WSB2: variants seen among roughly 807,000 people sequenced by gnomAD.
WSB2 encodes WD repeat and SOCS box-containing protein 2.
In WSB2, 12 loss-of-function variants were observed where a neutral mutation model predicts 48.8. The observed-to-expected ratio is 0.25, with a 90% CI of 0.16 to 0.40. The LOEUF (loss-of-function observed/expected upper bound fraction) is 0.40. Among genes scored for constraint, WSB2 ranks in the 10% least tolerant of loss-of-function variants. The pLI is 1.00. For missense variants in WSB2, 317 were observed against 506.2 expected, an observed-to-expected ratio of 0.63 and a Z score of 3.59; for synonymous variants, 191 against 203.1, an observed-to-expected ratio of 0.94 and a Z score of 0.51.
At chr12:118,048,651 A>G (rs2031790828) in intron 2 of WSB2, among the ~76,000 whole-genome samples, 1 of 152,060 alleles carries the variant, frequency 6.6e-6, no homozygotes, top group Non-Finnish European at 1.5e-5. Flanking sequence ...AAACAATAAC[A>G]CTTTGCTCAT....
rs1047178792 is a variant in WSB2, at chr12:118,038,161, A to G, written c.660+127T>C. 6.3e-6 allele frequency: 5 copies of G among 797,944 alleles called. No individual in the cohort carries two copies. The African/African-American group carries it at 7.1e-5, about 11-fold the overall frequency. The allele number at this position is 797,944 out of a possible 1,614,324, so 49.4% of individuals were successfully genotyped here. On this transcript the variant is annotated intron_variant, in intron 5 of 8. Transcript: ENST00000315436. ...CAAGGGACTTTTGCAGGTGGTGGCCATGGCCCACCAGCATGCCTTCTATTG... is the reference window on the plus strand; with the variant it reads ...CAAGGGACTTTTGCAGGTGGTGGCCGTGGCCCACCAGCATGCCTTCTATTG...
intron 1 of WSB2, among the ~76,000 whole-genome samples, chr12:118,056,500 A>T (rs1330103312): frequency 1.3e-5 from 2 of 152,220 alleles, no homozygotes; most frequent in Non-Finnish European, 2.9e-5. Flanking sequence ...GGGAGCAAGA[A>T]CTTTGTATAT....
At chr12:118,040,241 T>TCC (rs2031600829) in intron 4 of WSB2, among the ~76,000 whole-genome samples, 2 of 152,056 alleles carry the variant, frequency 1.3e-5, no homozygotes, top group Admixed American at 6.6e-5. Flanking sequence ...CTGAATAAAT[T>TCC]AAGGCATGTT....
At chr12:118,056,036 C>A (rs930697793) in intron 1 of WSB2, among the ~76,000 whole-genome samples, 6 of 152,066 alleles carry the variant, frequency 3.9e-5, no homozygotes, top group Non-Finnish European at 5.9e-5. Flanking sequence ...TCATCTCCCG[C>A]CTGGCCCAGT....
At position 118,034,133 on chromosome 12, in the gene WSB2, C is replaced by G; in HGVS notation, c.*63G>C. On this transcript the variant is annotated 3_prime_UTR_variant, in exon 9 of 9. Transcript: ENST00000315436. Reference sequence around the variant, plus strand: ...AAGACCAGATGTTTGGCCCATTATTCCAGCAACTCCCTTTGACAGGACGAT... The same window carrying G: ...AAGACCAGATGTTTGGCCCATTATTGCAGCAACTCCCTTTGACAGGACGAT... The G allele has an allele frequency of 6.3e-7, 1 of 1,597,656 alleles. No homozygotes were observed. The highest frequency in any genetic ancestry group is 1.1e-5 in the South Asian group (1 of 90,064).
chr12:118,055,999 T>TC (rs1445202149), intron 1 of WSB2, among the ~76,000 whole-genome samples: 2 of 151,586 alleles, frequency 1.3e-5, no homozygotes, highest in South Asian at 2.1e-4. Flanking sequence ...CTAACCCCTC[T>TC]CCATCTCTAC....
rs111998638 is a variant in WSB2 at position 118,048,582 on chromosome 12, C to CAAA, written c.182+3725_182+3727dup. Among the ~76,000 whole-genome samples the CAAA allele has an allele frequency of 2.3e-3, 304 of 130,506 alleles. 1 individual carries two copies. The highest frequency in any genetic ancestry group is 0.013 in the Middle Eastern group (3 of 226). The allele number at this position is 130,506 out of a possible 152,430, so 85.6% of individuals were successfully genotyped here. A position where few individuals can be genotyped will look rare whatever the true frequency, so the allele number is the denominator to read the frequency against. On this transcript the variant is annotated intron_variant, in intron 2 of 8. Coordinates refer to ENST00000315436, the MANE Select transcript of WSB2 (RefSeq NM_018639.5). ...CCTGGATGACAGAGCAAGACTCTCT[C>CAAA]AAAAAAAAAAAAAAATGTGATTTTT... is the stretch of plus-strand genomic sequence containing the variant.
Position 118,061,093 on chromosome 12 carries a change from C to T in WSB2, c.-45G>A, listed in dbSNP as rs1452426098. 3 of 980,878 alleles carry T rather than the reference C, an allele frequency of 3.1e-6. No individual in the cohort carries two copies. Among genetic ancestry groups the T allele is most frequent in the Non-Finnish European group, 3.6e-6 (3 of 828,350 alleles). 60.8% of individuals were successfully genotyped at this position (980,878 alleles called of 1,614,324 possible). A position where few individuals can be genotyped will look rare whatever the true frequency, so the allele number is the denominator to read the frequency against. On this transcript the variant is annotated 5_prime_UTR_variant, in exon 1 of 9. Transcript: ENST00000315436. ...CGCGGCAGGCGGCGGGCGCCTCAGC[C>T]CCCCGGGCCGCGGGCCCTCATGCCG... is the stretch of plus-strand genomic sequence containing the variant.
At position 118,036,174 on chromosome 12, in the gene WSB2, C is replaced by T. The variant is rs1214298604; in HGVS notation, c.833+164G>A. 40 of 844,954 alleles carry T rather than the reference C, an allele frequency of 4.7e-5. No homozygotes were observed. The East Asian group carries it at 1.1e-3, about 23-fold the overall frequency. The allele number at this position is 844,954 out of a possible 1,614,324, so 52.3% of individuals were successfully genotyped here. Reference sequence around the variant, plus strand: ...CCAAGATTGCGCCACTGCACTCCAGCCTGGGTGACAGAGCGAGACTCCGTC... The same window carrying T: ...CCAAGATTGCGCCACTGCACTCCAGTCTGGGTGACAGAGCGAGACTCCGTC... On this transcript the variant is annotated intron_variant, in intron 6 of 8. Transcript: ENST00000315436.
At position 118,043,438 on chromosome 12, in the gene WSB2, T is replaced by A. The variant is rs546838090; in HGVS notation, c.183-61A>T. 18 of 1,508,884 alleles carry A rather than the reference T, an allele frequency of 1.2e-5. No homozygotes were observed. In the South Asian group the frequency reaches 2.0e-4, roughly 17 times the overall value. 93.5% of individuals were successfully genotyped at this position (1,508,884 alleles called of 1,614,324 possible). A position where few individuals can be genotyped will look rare whatever the true frequency, so the allele number is the denominator to read the frequency against. ...TTGTTACCAGTCTATCAACTTTTCA[T>A]CCTGGGACACGTAAGACTTTTGGGG... On this transcript the variant is annotated intron_variant, in intron 2 of 8. Coordinates refer to ENST00000315436, the MANE Select transcript of WSB2 (RefSeq NM_018639.5).
chr12:118,040,614 A>G (rs961558564), intron 4 of WSB2, among the ~76,000 whole-genome samples: 4 of 151,304 alleles, frequency 2.6e-5, no homozygotes, highest in Admixed American at 1.3e-4. Flanking sequence ...TACGAAAATT[A>G]GCCAGGCATG....
Position 118,036,258 on chromosome 12 carries a change from TAA to T in WSB2, c.833+78_833+79del, listed in dbSNP as rs2031507043. The T allele has an allele frequency of 2.7e-6, 4 of 1,486,888 alleles. No homozygotes were observed. The Admixed American group carries it at 5.8e-5, about 22-fold the overall frequency. The allele number at this position is 1,486,888 out of a possible 1,614,324, so 92.1% of individuals were successfully genotyped here. On this transcript the variant is annotated intron_variant, in intron 6 of 8. Transcript: ENST00000315436. ...TTGTCCCCTCCCATGTCCCAGATTC[TAA>T]AAGAGACATGTCTAATCCCAGGCAG...
chr12:118,060,997 C>A lies in WSB2; in HGVS notation c.13+39G>T, dbSNP rs1377603813. On this transcript the variant is annotated intron_variant, in intron 1 of 8. Coordinates refer to ENST00000315436, the MANE Select transcript of WSB2 (RefSeq NM_018639.5). This position sits in a 1 kb window ranked among gnomAD's most constrained non-coding sequence, Gnocchi z 4.1. Reference sequence around the variant, plus strand: ...CCTCCCCGGGGAGAACGGGCCAGGGCCCCGCCGGGCGGGAACGGGCGCGCC... The same window carrying A: ...CCTCCCCGGGGAGAACGGGCCAGGGACCCGCCGGGCGGGAACGGGCGCGCC... The A allele has an allele frequency of 2.1e-6, 2 of 946,072 alleles. No homozygotes were observed. The highest frequency in any genetic ancestry group is 1.8e-5 in the African/African-American group (1 of 55,846). The allele number at this position is 946,072 out of a possible 1,614,324, so 58.6% of individuals were successfully genotyped here.
intron 4 of WSB2, among the ~76,000 whole-genome samples, chr12:118,041,349 C>T (rs2031632630): frequency 6.6e-6 from 1 of 152,154 alleles, no homozygotes. Flanking sequence ...GTTTACAAGC[C>T]AGGCAGCAGG....
chr12:118,036,910 G>A (rs1168998024), intron 5 of WSB2, among the ~76,000 whole-genome samples: 1 of 152,192 alleles, frequency 6.6e-6, no homozygotes, highest in East Asian at 1.9e-4. Context: ...GGCCAGGCAC[G>A]ATGGCTCATG....
At chr12:118,034,389 A>G (rs775428123) in intron 8 of WSB2, 31 bp from the exon 9 acceptor site, 7 of 1,607,814 alleles carry the variant, frequency 4.4e-6, no homozygotes, top group Non-Finnish European at 6.0e-6. Context: ...ATGCTAAGAC[A>G]GAGCTTGGAT....
intron 2 of WSB2, among the ~76,000 whole-genome samples, chr12:118,045,099 G>A (rs892560092): frequency 2.0e-5 from 3 of 152,140 alleles, no homozygotes; most frequent in Admixed American, 6.5e-5. Flanking sequence ...TTAACTGGCC[G>A]GGTGCGGTGG....
chr12:118,041,234 A>G (rs1464915911), intron 4 of WSB2, among the ~76,000 whole-genome samples: 3 of 152,130 alleles, frequency 2.0e-5, no homozygotes, highest in South Asian at 2.1e-4. Flanking sequence ...TGAGAAGTCA[A>G]TAGGTCATGA....
rs2032051635 is a variant in WSB2 at position 118,060,952 on chromosome 12, C to T, written c.13+84G>A. The stretch of plus-strand genomic sequence containing the variant: ...AGCCCCCGCCCCACCCCGCCCAGCC[C>T]GCCCCGGGGTCGCCTCCCCCCTCCC... On this transcript the variant is annotated intron_variant, in intron 1 of 8. Transcript: ENST00000315436. This position sits in a 1 kb window ranked among gnomAD's most constrained non-coding sequence, Gnocchi z 4.1. The T allele has an allele frequency of 6.1e-6, 4 of 650,860 alleles. No homozygotes were observed. Among genetic ancestry groups the T allele is most frequent in the African/African-American group, 2.0e-5 (1 of 50,670 alleles). 40.3% of individuals were successfully genotyped at this position (650,860 alleles called of 1,614,324 possible). A position where few individuals can be genotyped will look rare whatever the true frequency, so the allele number is the denominator to read the frequency against.
Sources: gnomAD v4.1 joint callset for allele counts (sites outside exome capture counted in the v4.1 genomes callset) on GRCh38, gnomAD v4.1.1 for gene constraint, Gnocchi (gnomAD v3.1) non-coding constraint, MANE v1.5 for transcripts, NCBI Gene and HGNC (gene_info 2026-07-23, HGNC 2026-07-21) for gene names.